The following GALNT18 variants were observed in gnomAD, a reference collection of about 807,000 sequenced individuals.
GALNT18 encodes polypeptide N-acetylgalactosaminyltransferase 18.
Under a neutral mutation model 69.5 loss-of-function variants are expected in GALNT18, and 44 were observed. The observed-to-expected ratio is 0.63, with a 90% CI of 0.50 to 0.81. GALNT18 has a LOEUF of 0.81. Among genes scored for constraint, GALNT18 ranks in the 40% least tolerant of loss-of-function variants. The probability of loss-of-function intolerance (pLI) is 0.00; values close to 1 mark genes in which losing one functional copy is unlikely to be tolerated. For synonymous variants in GALNT18, 364 were observed against 318.2 expected (o/e 1.14, Z -1.53); for missense variants, 715 against 810.0 (o/e 0.88, Z 1.42).
At chr11:11,457,511 T>C (rs911816796) in intron 1 of GALNT18, among the ~76,000 whole-genome samples, 1 of 152,122 alleles carries the variant, frequency 6.6e-6, no homozygotes, top group African/African-American at 2.4e-5. Flanking sequence ...AATGGCATGG[T>C]TGCTGTTGGA....
intron 3 of GALNT18, among the ~76,000 whole-genome samples, chr11:11,380,512 C>T (rs772473708): frequency 7.9e-5 from 12 of 152,196 alleles, no homozygotes; most frequent in Non-Finnish European, 1.2e-4. Context: ...AATAAATCAC[C>T]TCCCTTAATC....
At chr11:11,312,508 T>G (rs778389999) in intron 9 of GALNT18, among the ~76,000 whole-genome samples, 2 of 152,176 alleles carry the variant, frequency 1.3e-5, no homozygotes, top group African/African-American at 4.8e-5. Flanking sequence ...ATCTTTGTGT[T>G]CAGCAGGCTG....
intron 10 of GALNT18, among the ~76,000 whole-genome samples, chr11:11,277,996 T>G (rs923940489): frequency 5.9e-5 from 9 of 152,060 alleles, no homozygotes; most frequent in Non-Finnish European, 1.3e-4. Context: ...GGTTGGAGAG[T>G]TCTGTAGATG....
Position 11,523,144 on chromosome 11 carries a change from T to C in GALNT18, c.236-74208A>G, listed in dbSNP as rs1857437616. Among the ~76,000 whole-genome samples the C allele has an allele frequency of 6.6e-6, 1 of 152,204 alleles. No individual in the cohort carries two copies. Among genetic ancestry groups the C allele is most frequent in the African/African-American group, 2.4e-5 (1 of 41,458 alleles). ...TCTGAGTGAAGGTCTACAGTGCTATTTTGAGCCAGGAGGTCTGCCTTCCAG... is the reference window on the plus strand; with the variant it reads ...TCTGAGTGAAGGTCTACAGTGCTATCTTGAGCCAGGAGGTCTGCCTTCCAG... On this transcript the variant is annotated intron_variant, in intron 1 of 10. Transcript: ENST00000227756. This position sits in a 1 kb window ranked among gnomAD's most constrained non-coding sequence, Gnocchi z 4.3.
chr11:11,376,085 A>G (rs1250286027), intron 5 of GALNT18, among the ~76,000 whole-genome samples: 3 of 152,186 alleles, frequency 2.0e-5, no homozygotes, highest in African/African-American at 7.2e-5. Flanking sequence ...CCGTATCATC[A>G]ATATAGACAG....
chr11:11,597,724 G>C (rs112180481), intron 1 of GALNT18, among the ~76,000 whole-genome samples: 11 of 150,126 alleles, frequency 7.3e-5, no homozygotes, highest in African/African-American at 2.7e-4. Context: ...GCAGTGGAGC[G>C]ATCTGGGCTC....
At chr11:11,455,307 G>A (rs1855901793) in intron 1 of GALNT18, among the ~76,000 whole-genome samples, 1 of 152,180 alleles carries the variant, frequency 6.6e-6, no homozygotes, top group African/African-American at 2.4e-5. Context: ...TATAGAGAAT[G>A]TAAACAATGC....
intron 9 of GALNT18, among the ~76,000 whole-genome samples, chr11:11,319,901 A>C (rs1252049180): frequency 1.3e-5 from 2 of 152,220 alleles, no homozygotes; most frequent in Non-Finnish European, 2.9e-5. Flanking sequence ...AATAGCCAAC[A>C]TTTAGTAAGC....
chr11:11,477,597 C>A, intron 1 of GALNT18, among the ~76,000 whole-genome samples: 1 of 152,176 alleles, frequency 6.6e-6, no homozygotes, highest in Non-Finnish European at 1.5e-5. Flanking sequence ...AAGCAGGAAC[C>A]TATTCCCCTC....
At chr11:11,487,831 G>T (rs1261338140) in intron 1 of GALNT18, among the ~76,000 whole-genome samples, 1 of 152,226 alleles carries the variant, frequency 6.6e-6, no homozygotes, top group Non-Finnish European at 1.5e-5. Context: ...TCACTTTTCT[G>T]ATGGAAAGAC....
rs557677536 is a variant in GALNT18 at position 11,521,978 on chromosome 11, T to C, written c.236-73042A>G. Among the ~76,000 whole-genome samples, 27 of 152,214 alleles carry C rather than the reference T, an allele frequency of 1.8e-4. No individual in the cohort carries two copies. In the South Asian group the frequency reaches 2.7e-3, roughly 15 times the overall value. ...CAGAGAGGCCACTGTCAAGAACACT[T>C]TCCTGAGGCCCAAGAAAAGGGAAGA... On this transcript the variant is annotated intron_variant, in intron 1 of 10. Transcript: ENST00000227756.
chr11:11,609,494 G>A (rs7925776), intron 1 of GALNT18, among the ~76,000 whole-genome samples: 7,844 of 152,166 alleles, frequency 0.052, 466 homozygotes, highest in African/African-American at 0.14. Flanking sequence ...GCAGTCCCTC[G>A]TATTTTTGCT....
chr11:11,592,802 G>T lies in GALNT18; in HGVS notation c.235+28557C>A, dbSNP rs2133930959. The stretch of plus-strand genomic sequence containing the variant: ...ACATATCTTCAAAGTATAAAGAGAA[G>T]GCAAGATATTCTGTCAATTTAACCA... On this transcript the variant is annotated intron_variant, in intron 1 of 10. Coordinates refer to ENST00000227756, the MANE Select transcript of GALNT18 (RefSeq NM_198516.3). The surrounding 1 kb of genome is among the most constrained non-coding windows in gnomAD (Gnocchi z 5.9). 6.6e-6 allele frequency among the ~76,000 whole-genome samples: 1 copy of T among 152,264 alleles called. No homozygotes were observed. The highest frequency in any genetic ancestry group is 1.5e-5 in the Non-Finnish European group (1 of 68,014).
intron 9 of GALNT18, among the ~76,000 whole-genome samples, chr11:11,322,029 TAA>T (rs1828444398): frequency 6.6e-6 from 1 of 152,350 alleles, no homozygotes; most frequent in Middle Eastern, 3.4e-3. Flanking sequence ...GAGTCAGGGT[TAA>T]AGTGGAGTAA....
chr11:11,351,425 C>A (rs534908522), intron 6 of GALNT18, among the ~76,000 whole-genome samples: 2 of 152,234 alleles, frequency 1.3e-5, no homozygotes, highest in South Asian at 4.1e-4. Context: ...AGGGAGCCAG[C>A]TGGTGAGGCC....
Position 11,463,880 on chromosome 11 carries a change from G to T in GALNT18, c.236-14944C>A, listed in dbSNP as rs1017197073. On this transcript the variant is annotated intron_variant, in intron 1 of 10. Coordinates refer to ENST00000227756, the MANE Select transcript of GALNT18 (RefSeq NM_198516.3). The surrounding 1 kb of genome is among the most constrained non-coding windows in gnomAD (Gnocchi z 4.2). The stretch of plus-strand genomic sequence containing the variant: ...ATTATGAATGCAGTATGTGTCCGGC[G>T]GAATGTGTGCAAAAACCGTCATGCT... 1.3e-5 allele frequency among the ~76,000 whole-genome samples: 2 copies of T among 152,160 alleles called. No homozygotes were observed. The highest frequency in any genetic ancestry group is 4.8e-5 in the African/African-American group (2 of 41,440).
chr11:11,570,468 C>T (rs529954493), intron 1 of GALNT18, among the ~76,000 whole-genome samples: 1 of 152,368 alleles, frequency 6.6e-6, no homozygotes, highest in East Asian at 1.9e-4. Flanking sequence ...CTGCCCTTAA[C>T]TGGCCTCCCT....
rs972036040 is a variant in GALNT18, at chr11:11,480,063, G to A, written c.236-31127C>T. On this transcript the variant is annotated intron_variant, in intron 1 of 10. Coordinates refer to ENST00000227756, the MANE Select transcript of GALNT18 (RefSeq NM_198516.3). The surrounding 1 kb of genome is among the most constrained non-coding windows in gnomAD (Gnocchi z 4.6). Reference sequence around the variant, plus strand: ...TGGGAGAGTTTGTAGATCTTGGAGCGGGGAGGGGGTACAGGAGGCAGAAAA... The same window carrying A: ...TGGGAGAGTTTGTAGATCTTGGAGCAGGGAGGGGGTACAGGAGGCAGAAAA... Among the ~76,000 whole-genome samples the A allele has an allele frequency of 5.3e-4, 80 of 152,036 alleles. No homozygotes were observed. Among genetic ancestry groups the A allele is most frequent in the South Asian group, 1.3e-3 (6 of 4,790 alleles).
In GALNT18 at chr11:11,318,147, G is replaced by A. The variant is rs946416351; in HGVS notation, c.1512+8939C>T. 2.0e-5 allele frequency among the ~76,000 whole-genome samples: 3 copies of A among 152,196 alleles called. No individual in the cohort carries two copies. Among genetic ancestry groups the A allele is most frequent in the African/African-American group, 7.2e-5 (3 of 41,448 alleles). On this transcript the variant is annotated intron_variant, in intron 9 of 10. Transcript: ENST00000227756. The surrounding 1 kb of genome is among the most constrained non-coding windows in gnomAD (Gnocchi z 5.1). ...TGAAATGAGAGAGGAAGTGATGGGA[G>A]ACCCTTTTTGGCCTAGAAAGTGAGA...
Sources: allele counts gnomAD v4.1 joint callset (sites outside exome capture counted in the v4.1 genomes callset), GRCh38; gene constraint gnomAD v4.1.1; non-coding constraint Gnocchi (gnomAD v3.1); transcripts MANE v1.5; gene names NCBI Gene and HGNC (gene_info 2026-07-23, HGNC 2026-07-21).